CLGN: variants seen among roughly 807,000 people sequenced by gnomAD.
The protein encoded by CLGN is calmegin.
In CLGN, 62 loss-of-function variants were observed where a neutral mutation model predicts 79.1. The ratio of observed to expected loss-of-function variants is 0.78; its 90% confidence interval spans 0.64 to 0.97. The LOEUF is 0.97. CLGN is among the 50% of genes least tolerant of loss of function. The pLI is 0.00. For missense variants in CLGN, 647 were observed against 715.5 expected (o/e 0.90, Z 1.09); for synonymous variants, 225 against 224.7 (o/e 1.00, Z -0.01).
At chr4:140,420,145 G>T (rs1487595130) in intron 1 of CLGN, among the ~76,000 whole-genome samples, 1 of 151,946 alleles carries the variant, frequency 6.6e-6, no homozygotes, top group Non-Finnish European at 1.5e-5. Context: ...AACATTCTAA[G>T]TGCTTTGTTT....
In CLGN at chr4:140,400,461, T is replaced by A. The variant is rs745955545; in HGVS notation, c.590A>T (p.His197Leu). The A allele has an allele frequency of 4.4e-6, 7 of 1,608,044 alleles. No individual in the cohort carries two copies. The Admixed American group carries it at 1.2e-4, about 27-fold the overall frequency. The change falls in exon 7 of 15, where the codon CAT becomes CTT. Residue 197 changes from histidine to leucine, a missense_variant. By Grantham distance (99) the His-to-Leu change is moderately conservative. Coordinates refer to ENST00000325617, the MANE Select transcript of CLGN (RefSeq NM_004362.3). ...GAAAACTCCAGTTTTGGGATGTTTA[T>A]GTCTGAAGATAAAATGAAGTTTATA... is the stretch of plus-strand genomic sequence containing the variant. The part of the protein sequence containing the change: ...EDYKLHFIFR[H>L]KHPKTGVFEE...
chr4:140,398,575 G>T (rs1481675449), intron 8 of CLGN, among the ~76,000 whole-genome samples: 1 of 151,100 alleles, frequency 6.6e-6, no homozygotes, highest in Non-Finnish European at 1.5e-5. Flanking sequence ...TTAAAGCACT[G>T]GTATTTTGGA....
At chr4:140,402,364 G>A (rs540168098) in intron 5 of CLGN, among the ~76,000 whole-genome samples, 64 of 151,802 alleles carry the variant, frequency 4.2e-4, no homozygotes, top group South Asian at 1.0e-3. Context: ...ATAAGATACT[G>A]TAACTAAAAC....
chr4:140,405,501 G>A (rs1425573507), intron 5 of CLGN, among the ~76,000 whole-genome samples: 2 of 152,120 alleles, frequency 1.3e-5, no homozygotes, highest in African/African-American at 2.4e-5. Flanking sequence ...GTAATTTTAA[G>A]AGTAAAACAA....
At chr4:140,397,488 A>G (rs1216586875) in intron 8 of CLGN, among the ~76,000 whole-genome samples, 2 of 150,596 alleles carry the variant, frequency 1.3e-5, no homozygotes, top group Non-Finnish European at 3.0e-5. Flanking sequence ...CAAATCATTT[A>G]TTTTCATGTA....
intron 14 of CLGN, among the ~76,000 whole-genome samples, chr4:140,389,949 G>A (rs973875552): frequency 2.0e-5 from 3 of 151,720 alleles, no homozygotes; most frequent in African/African-American, 7.2e-5. Flanking sequence ...GTGACTCTGT[G>A]GGGTAAGGCT....
At chr4:140,410,787 T>C (rs917924642) in intron 2 of CLGN, among the ~76,000 whole-genome samples, 161 bp from the exon 3 acceptor site, 1 of 151,956 alleles carries the variant, frequency 6.6e-6, no homozygotes, top group African/African-American at 2.4e-5. Context: ...CTAGTAATGA[T>C]AAGGTACAAG....
At chr4:140,397,575 A>T (rs1436970869) in intron 8 of CLGN, among the ~76,000 whole-genome samples, 3 of 152,030 alleles carry the variant, frequency 2.0e-5, no homozygotes, top group Admixed American at 2.0e-4. Flanking sequence ...TATAATTTTT[A>T]AAACTCTCCT....
intron 13 of CLGN, among the ~76,000 whole-genome samples, chr4:140,391,481 A>G (rs560433605): frequency 1.3e-5 from 2 of 152,036 alleles, no homozygotes; most frequent in Admixed American, 1.3e-4. Context: ...TAATACACAC[A>G]TGAACATGTG....
intron 2 of CLGN, among the ~76,000 whole-genome samples, chr4:140,411,895 G>C (rs1318633023): frequency 6.6e-6 from 1 of 152,024 alleles, no homozygotes; most frequent in African/African-American, 2.4e-5. Flanking sequence ...TTCACCCTAT[G>C]TAGATTACTC....
chr4:140,391,378 G>A (rs1192988324), intron 13 of CLGN, among the ~76,000 whole-genome samples: 2 of 151,680 alleles, frequency 1.3e-5, no homozygotes, highest in East Asian at 3.9e-4. Flanking sequence ...AAATAAGGCT[G>A]ATCCAGACAT....
intron 4 of CLGN, among the ~76,000 whole-genome samples, chr4:140,407,639 A>G (rs1032387997): frequency 2.0e-5 from 3 of 151,920 alleles, no homozygotes; most frequent in East Asian, 3.9e-4. Flanking sequence ...TGAAAGATCT[A>G]TCTATACAAG....
intron 2 of CLGN, among the ~76,000 whole-genome samples, chr4:140,412,308 C>G (rs186325970): frequency 6.6e-6 from 1 of 152,146 alleles, no homozygotes; most frequent in Non-Finnish European, 1.5e-5. Flanking sequence ...TGCTTTCTCA[C>G]CACCAAAAAT....
intron 6 of CLGN, among the ~76,000 whole-genome samples, chr4:140,401,721 T>C (rs1320371562): frequency 6.6e-6 from 1 of 152,148 alleles, no homozygotes; most frequent in Non-Finnish European, 1.5e-5. Context: ...CAAAAGAAAT[T>C]TATAAGTATC....
rs1728801756 is a variant in CLGN, at chr4:140,392,832, G to A, written c.1366-121C>T. ...ACATTAAGGAGTGATGAACTCGTAA[G>A]TAAAAGAAGTTTCATTTTCCCACCT... On this transcript the variant is annotated intron_variant, in intron 11 of 14. Transcript: ENST00000325617. 3.5e-6 allele frequency: 3 copies of A among 864,098 alleles called. No individual in the cohort carries two copies. The East Asian group carries it at 9.2e-5, about 26-fold the overall frequency. The allele number at this position is 864,098 out of a possible 1,614,324, so 53.5% of individuals were successfully genotyped here. A position where few individuals can be genotyped will look rare whatever the true frequency, so the allele number is the denominator to read the frequency against.
chr4:140,411,446 T>C (rs758882784), intron 2 of CLGN, among the ~76,000 whole-genome samples: 67 of 152,118 alleles, frequency 4.4e-4, no homozygotes, highest in Non-Finnish European at 5.3e-4. Flanking sequence ...TAATTTCAAC[T>C]GAGGATGAAT....
chr4:140,397,219 A>C (rs938333322), intron 8 of CLGN, among the ~76,000 whole-genome samples: 2 of 151,992 alleles, frequency 1.3e-5, no homozygotes, highest in African/African-American at 4.8e-5. Context: ...ATGCAAAAGT[A>C]CCTATTTTCT....
intron 13 of CLGN, among the ~76,000 whole-genome samples, chr4:140,391,161 C>T (rs1442065441): frequency 2.0e-5 from 3 of 151,634 alleles, no homozygotes; most frequent in Non-Finnish European, 3.0e-5. Flanking sequence ...CTTTTGTCAT[C>T]ATTATTAACC....
chr4:140,395,824 A>G lies in CLGN; in HGVS notation c.1144T>C (p.Tyr382His). The G allele has an allele frequency of 6.7e-7, 1 of 1,483,464 alleles. No homozygotes were observed. Among genetic ancestry groups the G allele is most frequent in the Non-Finnish European group, 8.9e-7 (1 of 1,121,128 alleles). The allele number at this position is 1,483,464 out of a possible 1,614,324, so 91.9% of individuals were successfully genotyped here. Residue 382 changes from tyrosine (Y) to histidine (H), a missense_variant, in exon 10 of 15, where the codon TAT becomes CAT. Coordinates refer to ENST00000325617, the MANE Select transcript of CLGN (RefSeq NM_004362.3). ...TTGGAACAAGCGGTTGTTACCTGAT[A>G]GTTAGGATTATCGACCAGTGGAGGT... ...WRPPLVDNPN[Y>H]QGIWSPRKIP...
Sources: gnomAD v4.1 joint callset for allele counts (sites outside exome capture counted in the v4.1 genomes callset) on GRCh38, gnomAD v4.1.1 for gene constraint, MANE v1.5 for transcripts, NCBI Gene and HGNC (gene_info 2026-07-23, HGNC 2026-07-21) for gene names.